Variants in NOC4L observed in about 807,000 individuals in gnomAD.
NOC4L encodes nucleolar complex protein 4 homolog.
In NOC4L, 40 loss-of-function variants were observed where a neutral mutation model predicts 62.8. That is an observed-to-expected ratio of 0.64 (90% CI 0.49 to 0.83). NOC4L has a LOEUF of 0.83. Among genes scored for constraint, NOC4L ranks in the 40% least tolerant of loss-of-function variants. The probability of loss-of-function intolerance (pLI) is 0.00; values close to 1 mark genes in which losing one functional copy is unlikely to be tolerated. For missense variants in NOC4L, 927 were observed against 701.9 expected, an observed-to-expected ratio of 1.32 and a Z score of -3.62; for synonymous variants, 433 against 299.8, an observed-to-expected ratio of 1.44 and a Z score of -4.59.
At position 132,145,669 on chromosome 12, in the gene NOC4L, G is replaced by T; in HGVS notation, c.345+4G>T. ...CCACCCCTCCTTTCAGGTCAAGGTG[G>T]GTCATTGGGCTGGCCTCATCCTTGT... On this transcript the variant is annotated splice_donor_region_variant and intron_variant, in intron 3 of 14. Transcript: ENST00000330579. The T allele has an allele frequency of 6.2e-7, 1 of 1,605,788 alleles. No homozygotes were observed. Among genetic ancestry groups the T allele is most frequent in the Non-Finnish European group, 8.5e-7 (1 of 1,173,452 alleles).
At position 132,145,809 on chromosome 12, in the gene NOC4L, C is replaced by T. The variant is rs113193722; in HGVS notation, c.345+144C>T. 4.7e-3 allele frequency: 2,849 copies of T among 606,210 alleles called. 52 individuals carry two copies. The African/African-American group carries it at 0.047, about 10-fold the overall frequency. The allele number at this position is 606,210 out of a possible 1,614,324, so 37.6% of individuals were successfully genotyped here. A position where few individuals can be genotyped will look rare whatever the true frequency, so the allele number is the denominator to read the frequency against. ...GAGCATCACCCTGTGGGTGTTCAGTCCCATTCAGAAACATGGCTATCGAGT... is the reference window on the plus strand; with the variant it reads ...GAGCATCACCCTGTGGGTGTTCAGTTCCATTCAGAAACATGGCTATCGAGT... On this transcript the variant is annotated intron_variant, in intron 3 of 14. Coordinates refer to ENST00000330579, the MANE Select transcript of NOC4L (RefSeq NM_024078.3).
rs778812666 is a variant in NOC4L at position 132,148,868 on chromosome 12, G to A, written c.874G>A (p.Asp292Asn). 3.1e-6 allele frequency: 5 copies of A among 1,599,366 alleles called. No individual in the cohort carries two copies. Among genetic ancestry groups the A allele is most frequent in the East Asian group, 2.2e-5 (1 of 44,712 alleles). Residue 292 changes from aspartate (D) to asparagine (N), a missense_variant, in exon 9 of 15, where the codon GAC becomes AAC. Asp to Asn is a conservative substitution (Grantham distance 23, BLOSUM62 1). Coordinates refer to ENST00000330579, the MANE Select transcript of NOC4L (RefSeq NM_024078.3). ...GCTGGCGCAGCCCACGCTCATGATC[G>A]ACTTCCTCACCCGCGCCTGCGACCT... ...PQLAQPTLMI[D>N]FLTRACDLGG...
At chr12:132,148,043 G>T (rs776717089) in intron 6 of NOC4L, 29 bp from the exon 7 acceptor site, 1 of 1,613,504 alleles carries the variant, frequency 6.2e-7, no homozygotes, top group Non-Finnish European at 8.5e-7. Flanking sequence ...CTGCGGGTCA[G>T]GTGACCTTTG....
intron 10 of NOC4L, 76 bp from the exon 11 acceptor site, chr12:132,151,182 C>A: frequency 6.9e-7 from 1 of 1,443,964 alleles, no homozygotes; most frequent in Non-Finnish European, 9.7e-7. Flanking sequence ...GAAGGGGCGC[C>A]GAGTGAGACC....
rs766806050 is a variant in NOC4L, at chr12:132,151,797, G to C, written c.1294G>C (p.Glu432Gln). Reference protein sequence around the residue: ...EEDPAQSRALESSLWELQALQ... With the variant: ...EEDPAQSRALQSSLWELQALQ... The stretch of plus-strand genomic sequence containing the variant: ...GGACCCAGCCCAGAGCCGGGCCTTG[G>C]AGAGCTCCCTGTGGGAGCTTCAGGT... The change falls in exon 13 of 15, where the codon GAG becomes CAG. Residue 432 changes from glutamate (E) to glutamine (Q), a missense_variant. By Grantham distance (29) the Glu-to-Gln change is conservative. Transcript: ENST00000330579. 5.0e-6 allele frequency: 8 copies of C among 1,612,078 alleles called. No homozygotes were observed. The African/African-American group carries it at 1.1e-4, about 22-fold the overall frequency.
At position 132,144,556 on chromosome 12, in the gene NOC4L, C is replaced by A. The variant is rs776828511; in HGVS notation, c.68C>A (p.Ala23Glu). The change falls in exon 1 of 15, where the codon GCG (alanine) becomes GAG (glutamate). Residue 23 changes from alanine (A) to glutamate (E), a missense_variant. Physicochemically the swap from Ala to Glu is moderately radical, Grantham distance 107. Coordinates refer to ENST00000330579, the MANE Select transcript of NOC4L (RefSeq NM_024078.3). The stretch of plus-strand genomic sequence containing the variant: ...GGCCGCCGGCTGGAGGCGGTGCTGG[C>A]GAGCCGCAGTGAGGCCAACGCCGTG... Reference protein sequence around the residue: ...ALGRRLEAVLASRSEANAVFD... With the variant: ...ALGRRLEAVLESRSEANAVFD... 55 of 1,520,220 alleles carry A rather than the reference C, an allele frequency of 3.6e-5. No homozygotes were observed. Among genetic ancestry groups the A allele is most frequent in the Non-Finnish European group, 4.6e-5 (52 of 1,142,066 alleles). The allele number at this position is 1,520,220 out of a possible 1,614,324, so 94.2% of individuals were successfully genotyped here. A position where few individuals can be genotyped will look rare whatever the true frequency, so the allele number is the denominator to read the frequency against.
chr12:132,145,648 C>A lies in NOC4L; in HGVS notation c.328C>A (p.Pro110Thr), dbSNP rs758641030. 1 of 1,613,040 alleles carries A rather than the reference C, an allele frequency of 6.2e-7. No homozygotes were observed. Among genetic ancestry groups the A allele is most frequent in the South Asian group, 1.1e-5 (1 of 91,044 alleles). The change falls in exon 3 of 15, where the codon CCC becomes ACC. Residue 110 changes from proline (P) to threonine (T), a missense_variant. Pro to Thr is a conservative substitution (Grantham distance 38). Coordinates refer to ENST00000330579, the MANE Select transcript of NOC4L (RefSeq NM_024078.3). Reference sequence around the variant, plus strand: ...TCGCTTGGGAGAGCTCCTGGGCCACCCCTCCTTTCAGGTCAAGGTGGGTCA... The same window carrying A: ...TCGCTTGGGAGAGCTCCTGGGCCACACCTCCTTTCAGGTCAAGGTGGGTCA... ...CNRLGELLGH[P>T]SFQVKELALS...
chr12:132,148,881 G>T lies in NOC4L; in HGVS notation c.887G>T (p.Arg296Leu). The change falls in exon 9 of 15, where the codon CGC becomes CTC. Residue 296 changes from arginine (R) to leucine (L), a missense_variant. Transcript: ENST00000330579. Reference protein sequence around the residue: ...QPTLMIDFLTRACDLGGALSL... With the variant: ...QPTLMIDFLTLACDLGGALSL... Reference sequence around the variant, plus strand: ...ACGCTCATGATCGACTTCCTCACCCGCGCCTGCGACCTCGGTGAGTGCCGC... The same window carrying T: ...ACGCTCATGATCGACTTCCTCACCCTCGCCTGCGACCTCGGTGAGTGCCGC... 2 of 1,594,566 alleles carry T rather than the reference G, an allele frequency of 1.3e-6. No homozygotes were observed. Among genetic ancestry groups the T allele is most frequent in the Non-Finnish European group, 1.7e-6 (2 of 1,176,656 alleles).
chr12:132,147,868 C>T lies in NOC4L; in HGVS notation c.604-12C>T. On this transcript the variant is annotated splice_polypyrimidine_tract_variant and intron_variant, in intron 5 of 14. Coordinates refer to ENST00000330579, the MANE Select transcript of NOC4L (RefSeq NM_024078.3). Reference sequence around the variant, plus strand: ...GGGGGCGGCGTCCAGGCACTCAGGCCAGGCTCCGCAGGTGCCCCCCGCCTT... The same window carrying T: ...GGGGGCGGCGTCCAGGCACTCAGGCTAGGCTCCGCAGGTGCCCCCCGCCTT... 6.2e-7 allele frequency: 1 copy of T among 1,609,484 alleles called. No individual in the cohort carries two copies. Among genetic ancestry groups the T allele is most frequent in the Non-Finnish European group, 8.5e-7 (1 of 1,179,588 alleles).
Position 132,144,837 on chromosome 12 carries a change from C to T in NOC4L, c.118-17C>T, listed in dbSNP as rs776352145. On this transcript the variant is annotated splice_polypyrimidine_tract_variant and intron_variant, in intron 1 of 14. Coordinates refer to ENST00000330579, the MANE Select transcript of NOC4L (RefSeq NM_024078.3). ...GACAGTTGGCGGCCGGGCACCCTGCCGCCGCCTCTCCTGCAGTCTGAGGAC... is the reference window on the plus strand; with the variant it reads ...GACAGTTGGCGGCCGGGCACCCTGCTGCCGCCTCTCCTGCAGTCTGAGGAC... 5.0e-6 allele frequency: 8 copies of T among 1,591,090 alleles called. No homozygotes were observed. Among genetic ancestry groups the T allele is most frequent in the Non-Finnish European group, 6.8e-6 (8 of 1,171,896 alleles).
At chr12:132,145,234 A>T (rs1029479644) in intron 2 of NOC4L, among the ~76,000 whole-genome samples, 1 of 152,124 alleles carries the variant, frequency 6.6e-6, no homozygotes, top group Non-Finnish European at 1.5e-5. Context: ...ATGTTGACTG[A>T]TCCTGACACG....
intron 3 of NOC4L, among the ~76,000 whole-genome samples, chr12:132,145,941 C>T (rs1190780011): frequency 6.6e-6 from 1 of 152,228 alleles, no homozygotes; most frequent in Non-Finnish European, 1.5e-5. Context: ...TGCCAGTCCA[C>T]AGATGTGTTT....
intron 3 of NOC4L, chr12:132,146,477 A>G (rs1897732531): frequency 2.4e-6 from 1 of 409,606 alleles, no homozygotes; most frequent in South Asian, 1.7e-5. Context: ...AATATGCCTT[A>G]TCAGTGGAAT....
intron 7 of NOC4L, 141 bp downstream of exon 7, chr12:132,148,247 T>A (rs1357469203): frequency 4.7e-6 from 4 of 858,872 alleles, no homozygotes; most frequent in Non-Finnish European, 7.4e-6. Context: ...GGCCACCAGG[T>A]CACTCGAAGT....
intron 3 of NOC4L, 146 bp from the exon 4 acceptor site, chr12:132,147,135 T>G (rs1957253177): frequency 1.9e-6 from 1 of 529,704 alleles, no homozygotes; most frequent in South Asian, 2.8e-5. Context: ...CAGAGTGGCA[T>G]CTGGTGGCGT....
Position 132,150,996 on chromosome 12 carries a change from T to G in NOC4L, c.917T>G (p.Leu306Arg). 6.2e-7 allele frequency: 1 copy of G among 1,610,560 alleles called. No homozygotes were observed. Among genetic ancestry groups the G allele is most frequent in the Non-Finnish European group, 8.5e-7 (1 of 1,178,844 alleles). ...RACDLGGALSLLALNGLFILI... is the reference protein window; with the variant it reads ...RACDLGGALSRLALNGLFILI... ...CTGTCTGCAGGGGGGGCCCTCAGCC[T>G]CTTGGCCTTGAACGGGCTGTTCATC... The change falls in exon 10 of 15, where the codon CTC (leucine) becomes CGC (arginine). Residue 306 changes from leucine to arginine, a missense_variant. Leu to Arg is a moderately radical substitution (Grantham distance 102, BLOSUM62 -2). Transcript: ENST00000330579.
In NOC4L at chr12:132,144,487, G is replaced by T; in HGVS notation, c.-2G>T. 3 of 1,523,922 alleles carry T rather than the reference G, an allele frequency of 2.0e-6. No homozygotes were observed. Among genetic ancestry groups the T allele is most frequent in the East Asian group, 2.6e-5 (1 of 38,734 alleles). The allele number at this position is 1,523,922 out of a possible 1,614,324, so 94.4% of individuals were successfully genotyped here. On this transcript the variant is annotated 5_prime_UTR_variant, in exon 1 of 15. Transcript: ENST00000330579. Reference sequence around the variant, plus strand: ...TCCGCGTTGTTCCGTGTTGGGGGCGGCATGGAGCGGGAGCCGGGCGCCGCG... The same window carrying T: ...TCCGCGTTGTTCCGTGTTGGGGGCGTCATGGAGCGGGAGCCGGGCGCCGCG...
chr12:132,147,826 C>G (rs949896151), intron 5 of NOC4L, 44 bp downstream of exon 5: 2 of 1,610,536 alleles, frequency 1.2e-6, no homozygotes, highest in African/African-American at 2.7e-5. Flanking sequence ...TGTTGCCTCC[C>G]AGGGAGGCAG....
Position 132,147,698 on chromosome 12 carries a change from G to GTAC in NOC4L, c.520_522dup (p.Tyr174dup). On this transcript the variant is annotated inframe_insertion, in exon 5 of 15. Transcript: ENST00000330579. The stretch of plus-strand genomic sequence containing the variant: ...GCCTGCTCCTGTCCCAGTTCCGGGA[G>GTAC]TACCTGGACTACGACGACACCCGCT... The GTAC allele has an allele frequency of 1.2e-6, 2 of 1,612,940 alleles. No homozygotes were observed. The highest frequency in any genetic ancestry group is 1.7e-6 in the Non-Finnish European group (2 of 1,179,958).
Sources: allele counts gnomAD v4.1 joint callset (sites outside exome capture counted in the v4.1 genomes callset), GRCh38; gene constraint gnomAD v4.1.1; transcripts MANE v1.5; gene names NCBI Gene and HGNC (gene_info 2026-07-23, HGNC 2026-07-21).